ZNF638: variants seen among roughly 807,000 people sequenced by gnomAD.
ZNF638 encodes zinc finger protein 638, also known as CTCL tumor antigen se33-1.
Under a neutral mutation model 195.6 loss-of-function variants are expected in ZNF638, and 46 were observed. The observed-to-expected ratio is 0.24, with a 90% CI of 0.19 to 0.30. The LOEUF (loss-of-function observed/expected upper bound fraction) is 0.30, where lower values mean the gene tolerates loss of function less well. ZNF638 is among the 10% of genes least tolerant of loss of function. The probability of loss-of-function intolerance (pLI) is 1.00; values close to 1 mark genes in which losing one functional copy is unlikely to be tolerated. For synonymous variants in ZNF638, 845 were observed against 772.0 expected (o/e 1.09, Z -1.57); for missense variants, 2,440 against 2,325.3 (o/e 1.05, Z -1.01).
intron 1 of ZNF638, among the ~76,000 whole-genome samples, chr2:71,341,208 CT>C (rs2104114137): frequency 6.6e-6 from 1 of 152,248 alleles, no homozygotes; most frequent in East Asian, 1.9e-4. Flanking sequence ...CCAGTTTCTA[CT>C]ATGTTTCTGA....
intron 26 of ZNF638, among the ~76,000 whole-genome samples, chr2:71,432,858 G>T (rs999688772): frequency 6.6e-6 from 1 of 152,238 alleles, no homozygotes; most frequent in Non-Finnish European, 1.5e-5. Flanking sequence ...ACCAAGGCAG[G>T]CACATCCTAT....
chr2:71,388,374 C>G, intron 10 of ZNF638: 1 of 604,360 alleles, frequency 1.7e-6, no homozygotes, highest in South Asian at 1.6e-5. Flanking sequence ...TTTGATCATC[C>G]GACCTTTGAT....
intron 23 of ZNF638, among the ~76,000 whole-genome samples, chr2:71,426,158 A>C (rs553203711): frequency 5.9e-5 from 9 of 152,310 alleles, no homozygotes; most frequent in African/African-American, 1.9e-4. Flanking sequence ...AATACTTTAA[A>C]TGTATTTTTA....
At chr2:71,342,010 A>G (rs1373678142) in intron 1 of ZNF638, among the ~76,000 whole-genome samples, 2 of 152,094 alleles carry the variant, frequency 1.3e-5, no homozygotes, top group Admixed American at 1.3e-4. Context: ...TTTATTTTCT[A>G]AATTTTACAA....
intron 3 of ZNF638, among the ~76,000 whole-genome samples, chr2:71,362,782 C>T (rs1246464897): frequency 2.0e-5 from 3 of 152,118 alleles, no homozygotes; most frequent in South Asian, 2.1e-4. Context: ...GGGCACCATT[C>T]ATGTTGTATT....
At chr2:71,335,150 C>T (rs975975899) in intron 1 of ZNF638, among the ~76,000 whole-genome samples, 1 of 152,100 alleles carries the variant, frequency 6.6e-6, no homozygotes, top group Non-Finnish European at 1.5e-5. Context: ...GATGTTCCTG[C>T]CTCAGTCTCC....
intron 8 of ZNF638, chr2:71,375,846 A>G (rs555397135): frequency 1.3e-5 from 2 of 152,338 alleles, no homozygotes; most frequent in South Asian, 2.1e-4. Flanking sequence ...TAATCAATAT[A>G]CTCAGCCTTT....
rs774418632 is a variant in ZNF638, at chr2:71,364,391, G to GTTAA, written c.1717+142_1717+143insATTA. On this transcript the variant is annotated intron_variant, in intron 5 of 27. Coordinates refer to ENST00000264447, the MANE Select transcript of ZNF638 (RefSeq NM_014497.5). ...TGAAATCTGACCCACATGCCACAGAGTTATTCCCTCTGGTAACTTGGCAAA... is the reference window on the plus strand; with the variant it reads ...TGAAATCTGACCCACATGCCACAGAGTTAATTATTCCCTCTGGTAACTTGGCAAA... The GTTAA allele has an allele frequency of 7.1e-5, 64 of 897,402 alleles. 1 individual carries two copies. The South Asian group carries it at 1.0e-3, about 14-fold the overall frequency. 55.6% of individuals were successfully genotyped at this position (897,402 alleles called of 1,614,324 possible).
chr2:71,375,545 C>T (rs2079405648), intron 8 of ZNF638: 1 of 151,770 alleles, frequency 6.6e-6, no homozygotes, highest in South Asian at 2.1e-4. Flanking sequence ...GCAGCATTTG[C>T]CTGCATTTGA....
intron 1 of ZNF638, among the ~76,000 whole-genome samples, chr2:71,333,748 T>C (rs1573006297): frequency 1.9e-4 from 1 of 5,270 alleles, no homozygotes. Flanking sequence ...TTAGTCTTTC[T>C]TGAGCTTTTG....
In ZNF638 at chr2:71,380,258, A is replaced by T; in HGVS notation, c.2302A>T (p.Lys768Ter). Residue 768 changes from lysine to a stop codon, truncating the protein, a stop_gained, in exon 9 of 28, where the codon AAA (lysine) becomes TAA (stop). Coordinates refer to ENST00000264447, the MANE Select transcript of ZNF638 (RefSeq NM_014497.5). LOFTEE classifies it high-confidence loss of function. ...EVKKKTLESK[K>*]VSASTLKRDA... The stretch of plus-strand genomic sequence containing the variant: ...GAAGAAAAAGACTTTAGAGTCAAAG[A>T]AAGTATCTGCATCTACCTTAAAGTA... 1 of 1,572,516 alleles carries T rather than the reference A, an allele frequency of 6.4e-7. No homozygotes were observed. Among genetic ancestry groups the T allele is most frequent in the Non-Finnish European group, 8.6e-7 (1 of 1,164,212 alleles).
intron 25 of ZNF638, chr2:71,431,063 TTA>T: frequency 3.2e-6 from 1 of 308,164 alleles, no homozygotes; most frequent in South Asian, 4.4e-5. Flanking sequence ...AGGACTTGTA[TTA>T]CTTCGTTAAA....
intron 8 of ZNF638, among the ~76,000 whole-genome samples, chr2:71,372,463 C>T (rs376161235): frequency 3.2e-4 from 49 of 152,150 alleles, no homozygotes; most frequent in East Asian, 9.6e-4. Flanking sequence ...CTAGTTACTG[C>T]GCTGTCCCTT....
chr2:71,424,078 G>A (rs749436103), intron 22 of ZNF638, 40 bp downstream of exon 22: 6 of 1,587,356 alleles, frequency 3.8e-6, no homozygotes, highest in Non-Finnish European at 5.1e-6. Flanking sequence ...TGTCTTTGAA[G>A]TGATTAGCTC....
At chr2:71,376,392 TTTG>T (rs898755142) in intron 8 of ZNF638, 9 of 87,542 alleles carry the variant, frequency 1.0e-4, no homozygotes, top group African/African-American at 2.8e-4. Context: ...GACAATTGTT[TTTG>T]TTGTTGTTTG....
chr2:71,351,665 T>A (rs1278026583), intron 2 of ZNF638, among the ~76,000 whole-genome samples: 1 of 152,234 alleles, frequency 6.6e-6, no homozygotes, highest in East Asian at 1.9e-4. Flanking sequence ...GGTGTACATT[T>A]AATTTAGTAT....
intron 1 of ZNF638, chr2:71,348,412 CT>C (rs568414150): frequency 1.1e-4 from 105 of 998,170 alleles, no homozygotes; most frequent in African/African-American, 7.1e-4. Context: ...ATGCCTTCAT[CT>C]TTTTTTTCCC....
chr2:71,395,207 A>G (rs912902580), intron 10 of ZNF638: 1 of 717,088 alleles, frequency 1.4e-6, no homozygotes, highest in Admixed American at 2.0e-5. Flanking sequence ...AATATTACTA[A>G]TTATACTCAT....
intron 25 of ZNF638, chr2:71,428,865 A>G: frequency 2.6e-6 from 1 of 380,502 alleles, no homozygotes; most frequent in Non-Finnish European, 4.8e-6. Context: ...ATTAGAGGAA[A>G]TGATCCTCGA....
Sources: allele counts gnomAD v4.1 joint callset (sites outside exome capture counted in the v4.1 genomes callset), GRCh38; gene constraint gnomAD v4.1.1; transcripts MANE v1.5; gene names NCBI Gene and HGNC (gene_info 2026-07-23, HGNC 2026-07-21).